Variants in SLTM observed in about 807,000 individuals in gnomAD.
SLTM encodes SAFB like transcription modulator, also known as SAFB-like transcription modulator.
A neutral mutation model predicts 134.6 loss-of-function variants in SLTM; 43 were observed. The ratio of observed to expected loss-of-function variants is 0.32; its 90% CI spans 0.25 to 0.41. The LOEUF (loss-of-function observed/expected upper bound fraction) is 0.41. SLTM is among the 10% of genes least tolerant of loss of function. The probability of loss-of-function intolerance (pLI) is 1.00; values close to 1 mark genes in which losing one functional copy is unlikely to be tolerated. For synonymous variants in SLTM, 424 were observed against 432.3 expected, an observed-to-expected ratio of 0.98 and a Z score of 0.24; for missense variants, 1,055 against 1,288.8, an observed-to-expected ratio of 0.82 and a Z score of 2.78.
At chr15:58,933,006 C>G (rs1037295888) in intron 1 of SLTM, among the ~76,000 whole-genome samples, 2 of 152,184 alleles carry the variant, frequency 1.3e-5, no homozygotes, top group Non-Finnish European at 2.9e-5. Context: ...CAGAAGTCAC[C>G]AAAGTAACCA....
chr15:58,883,550 C>T, intron 20 of SLTM, 76 bp downstream of exon 20: 1 of 1,575,052 alleles, frequency 6.3e-7, no homozygotes, highest in Non-Finnish European at 8.7e-7. Flanking sequence ...TTCAGTCTCT[C>T]AGAAACTATA....
chr15:58,910,082 T>C (rs2036152024), intron 5 of SLTM, among the ~76,000 whole-genome samples: 1 of 152,200 alleles, frequency 6.6e-6, no homozygotes, highest in South Asian at 2.1e-4. Flanking sequence ...TTTCATAATA[T>C]TAAAATTTTT....
rs3985720 is a variant in SLTM at position 58,910,762 on chromosome 15, T to TTC, written c.561+1800_561+1801insGA. 6.9e-5 allele frequency among the ~76,000 whole-genome samples: 10 copies of TTC among 144,972 alleles called. No individual in the cohort carries two copies. The East Asian group carries it at 2.1e-3, about 30-fold the overall frequency. On this transcript the variant is annotated intron_variant, in intron 5 of 20. Coordinates refer to ENST00000380516, the MANE Select transcript of SLTM (RefSeq NM_024755.4). ...TAGATTCTTTTTTTTTTTTTTTTTT[T>TTC]CAAGACAAGTCTCGGTCTGTTGCCT... is the stretch of plus-strand genomic sequence containing the variant.
intron 3 of SLTM, among the ~76,000 whole-genome samples, chr15:58,915,947 G>C (rs1402187058): frequency 1.3e-5 from 2 of 151,632 alleles, no homozygotes; most frequent in Non-Finnish European, 2.9e-5. Flanking sequence ...CTAATAAGCA[G>C]TAGATCACTT....
At chr15:58,924,106 C>T (rs1425102997) in intron 2 of SLTM, among the ~76,000 whole-genome samples, 4 of 152,234 alleles carry the variant, frequency 2.6e-5, no homozygotes, top group East Asian at 3.9e-4. Flanking sequence ...TGAGCCACCA[C>T]GCCTGGCCTG....
chr15:58,925,919 T>A (rs1567162693), intron 2 of SLTM, among the ~76,000 whole-genome samples: 1 of 152,162 alleles, frequency 6.6e-6, no homozygotes, highest in Non-Finnish European at 1.5e-5. Context: ...AATAAAGCAA[T>A]GTAGAAGTTT....
intron 8 of SLTM, 101 bp from the exon 9 acceptor site, chr15:58,897,334 G>A: frequency 1.5e-6 from 1 of 662,400 alleles, no homozygotes. Context: ...TTGATAGTAT[G>A]ACGTTACTAT....
At chr15:58,886,215 AAG>A (rs1491332877) in intron 19 of SLTM, among the ~76,000 whole-genome samples, 1 of 136,936 alleles carries the variant, frequency 7.3e-6, no homozygotes, top group Non-Finnish European at 1.5e-5. Flanking sequence ...GGAGAAAAAG[AAG>A]AGTGTGTGTG....
chr15:58,900,705 T>C (rs1315187945), intron 6 of SLTM: 2 of 154,044 alleles, frequency 1.3e-5, no homozygotes, highest in African/African-American at 2.4e-5. Context: ...TTGACTTCTG[T>C]CCAAGGACTC....
intron 20 of SLTM, among the ~76,000 whole-genome samples, chr15:58,882,315 G>A (rs1270171834): frequency 6.6e-6 from 1 of 152,060 alleles, no homozygotes; most frequent in African/African-American, 2.4e-5. Flanking sequence ...GCAACAAAAG[G>A]GACACAAAGG....
chr15:58,913,926 A>T (rs1483690036), intron 3 of SLTM: 4 of 436,776 alleles, frequency 9.2e-6, no homozygotes, highest in African/African-American at 4.1e-5. Flanking sequence ...TAAAATGCAC[A>T]CTAATCAAAT....
intron 5 of SLTM, among the ~76,000 whole-genome samples, chr15:58,903,715 G>GAA (rs35691781): frequency 1.2e-4 from 18 of 144,670 alleles, no homozygotes; most frequent in East Asian, 5.9e-4. Flanking sequence ...GATTAAAATG[G>GAA]AAAAAAAAAA....
chr15:58,894,912 C>T (rs1278382840), intron 9 of SLTM, among the ~76,000 whole-genome samples: 2 of 152,060 alleles, frequency 1.3e-5, no homozygotes, highest in Non-Finnish European at 2.9e-5. Context: ...GCCATGTTGG[C>T]CAGGCTGGTC....
chr15:58,910,119 A>C (rs1444079236), intron 5 of SLTM, among the ~76,000 whole-genome samples: 1 of 152,238 alleles, frequency 6.6e-6, no homozygotes, highest in East Asian at 1.9e-4. Context: ...TATAAAAAAT[A>C]AGAGTTCTCT....
At position 58,887,251 on chromosome 15, in the gene SLTM, T is replaced by C. The variant is rs183084774; in HGVS notation, c.2665A>G (p.Met889Val). 1 of 1,614,146 alleles carries C rather than the reference T, an allele frequency of 6.2e-7. No individual in the cohort carries two copies. The highest frequency in any genetic ancestry group is 2.2e-5 in the East Asian group (1 of 44,892). The stretch of plus-strand genomic sequence containing the variant: ...CTTGTTTCCCGTTTGTCAGTGGACA[T>C]GCTTCCTTCACTTTTCCAGCTGGTG... ...RPTSWKSEGS[M>V]STDKRETRVE... The change falls in exon 18 of 21, where the codon ATG becomes GTG. Residue 889 changes from methionine to valine, a missense_variant. Coordinates refer to ENST00000380516, the MANE Select transcript of SLTM (RefSeq NM_024755.4).
intron 5 of SLTM, among the ~76,000 whole-genome samples, chr15:58,908,887 A>G (rs1455266316): frequency 6.6e-6 from 1 of 152,260 alleles, no homozygotes. Context: ...TTATCATTCT[A>G]AAGTTGTTGT....
intron 2 of SLTM, among the ~76,000 whole-genome samples, chr15:58,930,248 G>C (rs1723815209): frequency 6.6e-6 from 1 of 150,884 alleles, no homozygotes; most frequent in Non-Finnish European, 1.5e-5. Flanking sequence ...CGAGTAGCTG[G>C]GACTACAGGC....
At position 58,899,220 on chromosome 15, in the gene SLTM, CAAAA is replaced by C. The variant is rs2035304681; in HGVS notation, c.1058+245_1058+248del. ...AAATTGTCAATTTGAAAAAAAAAAA[CAAAA>C]AACAAAAAACAACAAAAAAACCAAA... On this transcript the variant is annotated intron_variant, in intron 7 of 20. Coordinates refer to ENST00000380516, the MANE Select transcript of SLTM (RefSeq NM_024755.4). The surrounding 1 kb of genome is among the most constrained non-coding windows in gnomAD (Gnocchi z 5.0). 3.1e-5 allele frequency: 12 copies of C among 390,430 alleles called. No individual in the cohort carries two copies. The South Asian group carries it at 4.5e-4, about 15-fold the overall frequency. The allele number at this position is 390,430 out of a possible 1,614,324, so 24.2% of individuals were successfully genotyped here. A position where few individuals can be genotyped will look rare whatever the true frequency, so the allele number is the denominator to read the frequency against.
chr15:58,928,127 G>A (rs1487632734), intron 2 of SLTM, among the ~76,000 whole-genome samples: 1 of 152,136 alleles, frequency 6.6e-6, no homozygotes, highest in South Asian at 2.1e-4. Context: ...TAGTTTTAAT[G>A]TCGGTAAGTA....
Sources: allele counts gnomAD v4.1 joint callset (sites outside exome capture counted in the v4.1 genomes callset), GRCh38; gene constraint gnomAD v4.1.1; non-coding constraint Gnocchi (gnomAD v3.1); transcripts MANE v1.5; gene names NCBI Gene and HGNC (gene_info 2026-07-23, HGNC 2026-07-21).